The following HTR4 variants were observed in gnomAD, a reference collection of about 807,000 sequenced individuals.
HTR4 encodes the protein 5-hydroxytryptamine receptor 4.
HTR4 carries 16 observed loss-of-function variants against 36.8 expected under a neutral mutation model. The ratio of observed to expected loss-of-function variants is 0.43; its 90% CI spans 0.29 to 0.66. The LOEUF is 0.66. Ranked by LOEUF, HTR4 falls within the 30% of genes least tolerant of loss-of-function variation. The pLI, the probability that HTR4 is intolerant of heterozygous loss-of-function variation, is 0.13. For synonymous variants in HTR4, 189 were observed against 185.1 expected, an observed-to-expected ratio of 1.02 and a Z score of -0.17; for missense variants, 438 against 490.9, an observed-to-expected ratio of 0.89 and a Z score of 1.02.
intron 5 of HTR4, among the ~76,000 whole-genome samples, chr5:148,460,865 A>T (rs1373407399): frequency 6.6e-6 from 1 of 152,130 alleles, no homozygotes; most frequent in African/African-American, 2.4e-5. Context: ...CATCCTGATA[A>T]ATCCATCATA....
chr5:148,543,839 G>A (rs1394368880), intron 4 of HTR4, among the ~76,000 whole-genome samples: 2 of 152,136 alleles, frequency 1.3e-5, no homozygotes, highest in Admixed American at 1.3e-4. Context: ...CGTAAGAGAT[G>A]GTGAGGGCTC....
intron 1 of HTR4, among the ~76,000 whole-genome samples, chr5:148,649,437 G>T (rs768054958): frequency 3.4e-4 from 52 of 152,142 alleles, no homozygotes; most frequent in Non-Finnish European, 6.3e-4. Context: ...TGCTAATGTG[G>T]ATTTGAAAGG....
intron 4 of HTR4, among the ~76,000 whole-genome samples, chr5:148,529,888 A>C (rs1420373478): frequency 2.0e-5 from 3 of 152,208 alleles, no homozygotes; most frequent in Admixed American, 6.5e-5. Context: ...ACTGGAGCAA[A>C]GGTGGCTCTT....
intron 2 of HTR4, among the ~76,000 whole-genome samples, chr5:148,593,903 AT>A (rs1761670756): frequency 6.6e-6 from 1 of 152,158 alleles, no homozygotes; most frequent in Non-Finnish European, 1.5e-5. Context: ...TTCCCAGAAT[AT>A]TTTTATATGC....
rs1755894398 is a variant in HTR4 at position 148,481,692 on chromosome 5, T to C, written c.*1511A>G. On this transcript the variant is annotated 3_prime_UTR_variant, in exon 7 of 7. Transcript: ENST00000377888. ...TATAAGCAATAAGAAAAAAAGAGAA[T>C]ATGATAAATAATCCTGAGATGCTAT... The C allele has an allele frequency of 2.7e-6, 4 of 1,471,272 alleles. No individual in the cohort carries two copies. The highest frequency in any genetic ancestry group is 3.6e-6 in the Non-Finnish European group (4 of 1,124,508). 91.1% of individuals were successfully genotyped at this position (1,471,272 alleles called of 1,614,324 possible). A position where few individuals can be genotyped will look rare whatever the true frequency, so the allele number is the denominator to read the frequency against.
intron 2 of HTR4, among the ~76,000 whole-genome samples, chr5:148,580,376 G>T (rs1249493133): frequency 6.6e-6 from 1 of 151,996 alleles, no homozygotes; most frequent in African/African-American, 2.4e-5. Flanking sequence ...GGAAATAAAT[G>T]TATCCATCAT....
chr5:148,534,609 A>G (rs115482598), intron 4 of HTR4, among the ~76,000 whole-genome samples: 6 of 152,052 alleles, frequency 3.9e-5, no homozygotes, highest in Middle Eastern at 6.8e-3. Flanking sequence ...AGGAGTAAAG[A>G]CCCTAAGTGC....
intron 2 of HTR4, among the ~76,000 whole-genome samples, chr5:148,584,928 T>A (rs1761294533): frequency 6.6e-6 from 1 of 152,194 alleles, no homozygotes; most frequent in Non-Finnish European, 1.5e-5. Context: ...GGGTCATTGA[T>A]ATCACTGGCT....
intron 6 of HTR4, among the ~76,000 whole-genome samples, chr5:148,508,230 T>C (rs1309230486): frequency 6.6e-6 from 1 of 152,182 alleles, no homozygotes; most frequent in Non-Finnish European, 1.5e-5. Context: ...AATTAAATGC[T>C]TGTTTCAAAG....
chr5:148,466,295 G>C (rs574359827), intron 5 of HTR4, among the ~76,000 whole-genome samples: 1 of 152,206 alleles, frequency 6.6e-6, no homozygotes, highest in South Asian at 2.1e-4. Flanking sequence ...TGAAAATATA[G>C]TTGAATATAT....
chr5:148,569,683 A>G (rs1042660298), intron 2 of HTR4, among the ~76,000 whole-genome samples: 1 of 151,950 alleles, frequency 6.6e-6, no homozygotes, highest in African/African-American at 2.4e-5. Context: ...TTAAAAAATT[A>G]TACATCAATA....
downstream of HTR4, among the ~76,000 whole-genome samples, chr5:148,473,105 C>A (rs1471419179): frequency 6.6e-6 from 1 of 151,934 alleles, no homozygotes; most frequent in Non-Finnish European, 1.5e-5. Context: ...TGAGACCATC[C>A]TGACTAACAT....
chr5:148,613,224 C>T (rs1463451742), intron 2 of HTR4, among the ~76,000 whole-genome samples: 174 of 149,582 alleles, frequency 1.2e-3, no homozygotes, highest in African/African-American at 4.1e-3. Context: ...AGAGACACAA[C>T]CAAAAAAGAG....
intron 5 of HTR4, among the ~76,000 whole-genome samples, chr5:148,514,668 C>T (rs1757651447): frequency 6.6e-6 from 1 of 152,098 alleles, no homozygotes; most frequent in African/African-American, 2.4e-5. Flanking sequence ...ATATGATATA[C>T]TCACAAACAT....
chr5:148,641,082 A>T (rs778971763), intron 1 of HTR4, among the ~76,000 whole-genome samples: 4 of 152,220 alleles, frequency 2.6e-5, no homozygotes, highest in Admixed American at 6.5e-5. Flanking sequence ...GGGAGAACTA[A>T]TCAGAGCCAT....
chr5:148,652,100 G>A (rs1754056513), intron 1 of HTR4, among the ~76,000 whole-genome samples: 1 of 152,144 alleles, frequency 6.6e-6, no homozygotes, highest in Admixed American at 6.5e-5. Flanking sequence ...TATCAAAGGT[G>A]TTCAATTCAT....
In HTR4 at chr5:148,593,615, C is replaced by T. The variant is rs1761657525; in HGVS notation, c.27-43353G>A. 3.3e-5 allele frequency among the ~76,000 whole-genome samples: 5 copies of T among 152,280 alleles called. No individual in the cohort carries two copies. The South Asian group carries it at 1.0e-3, about 32-fold the overall frequency. On this transcript the variant is annotated intron_variant, in intron 2 of 6. Coordinates refer to ENST00000377888, the MANE Select transcript of HTR4 (RefSeq NM_000870.7). ...CCTGAAATAAACCTTCTAATTACTG[C>T]TTCTGCCACAAGACTTAACCTTCCC...
At chr5:148,521,572 T>C (rs1315755219) in intron 5 of HTR4, among the ~76,000 whole-genome samples, 1 of 138,384 alleles carries the variant, frequency 7.2e-6, no homozygotes, top group Non-Finnish European at 1.7e-5. Context: ...GCTTGCTGAC[T>C]GTAGATCTTG....
Position 148,499,853 on chromosome 5 carries a change from A to C in HTR4, c.1076+9603T>G, listed in dbSNP as rs148944697. Among the ~76,000 whole-genome samples the C allele has an allele frequency of 2.1e-3, 317 of 152,250 alleles. 2 individuals carry two copies. The highest frequency in any genetic ancestry group is 7.2e-3 in the African/African-American group (300 of 41,544). ...AGTTATTGTGAGATCTGGTTGTTAA[A>C]AAGAGTCTAGCATCTCCCTCCTCTC... On this transcript the variant is annotated intron_variant, in intron 6 of 6. Coordinates refer to ENST00000377888, the MANE Select transcript of HTR4 (RefSeq NM_000870.7).
Sources: gnomAD v4.1 joint callset for allele counts (sites outside exome capture counted in the v4.1 genomes callset) on GRCh38, gnomAD v4.1.1 for gene constraint, MANE v1.5 for transcripts, NCBI Gene and HGNC (gene_info 2026-07-23, HGNC 2026-07-21) for gene names.